UTP18: variants seen among roughly 807,000 people sequenced by gnomAD.
The protein encoded by UTP18 is UTP18 small subunit processome component, also known as U3 small nucleolar RNA-associated protein 18 homolog.
In UTP18, 36 loss-of-function variants were observed where a neutral mutation model predicts 61.1. That is an observed-to-expected ratio of 0.59 (90% CI 0.45 to 0.78). The LOEUF (loss-of-function observed/expected upper bound fraction) is 0.78, where lower values mean the gene tolerates loss of function less well. Among genes scored for constraint, UTP18 ranks in the 30% least tolerant of loss-of-function variants. UTP18 has a pLI of 0.00. For missense variants in UTP18, 753 were observed against 693.9 expected (o/e 1.09, Z -0.96); for synonymous variants, 282 against 251.1 (o/e 1.12, Z -1.16).
chr17:51,284,085 A>G (rs1349687479), intron 9 of UTP18, among the ~76,000 whole-genome samples: 1 of 152,216 alleles, frequency 6.6e-6, no homozygotes, highest in African/African-American at 2.4e-5. Flanking sequence ...TATAAGGCAA[A>G]GGTTTTAATA....
intron 9 of UTP18, among the ~76,000 whole-genome samples, chr17:51,281,730 A>C (rs1163975137): frequency 2.0e-5 from 3 of 152,192 alleles, no homozygotes; most frequent in Non-Finnish European, 4.4e-5. Context: ...TTGGGGGGGA[A>C]CTGGTAAAGT....
In UTP18 at chr17:51,268,879, T is replaced by C. The variant is rs980060676; in HGVS notation, c.597T>C (p.Thr199=). ...GAGGAGTACCTGCCTGGGCAGAGAC[T>C]ACTAAGCGGAAAACATCTTCAGATG... The part of the protein sequence containing the change: ...AMGGVPAWAE[T]TKRKTSSDDE... The change falls in exon 4 of 14, where the codon ACT becomes ACC. Residue 199 remains threonine (T), a synonymous_variant. Coordinates refer to ENST00000225298, the MANE Select transcript of UTP18 (RefSeq NM_016001.3). 2.5e-6 allele frequency: 4 copies of C among 1,613,996 alleles called. No individual in the cohort carries two copies. Among genetic ancestry groups the C allele is most frequent in the African/African-American group, 2.7e-5 (2 of 75,056 alleles).
intron 9 of UTP18, among the ~76,000 whole-genome samples, chr17:51,284,277 G>T (rs1905038912): frequency 6.6e-6 from 1 of 152,166 alleles, no homozygotes; most frequent in South Asian, 2.1e-4. Context: ...GAAGGATATT[G>T]AGGTACTAGA....
Position 51,281,164 on chromosome 17 carries a change from A to ATATATATAT in UTP18, c.1204+686_1204+687insATATATATT, listed in dbSNP as rs59857038. On this transcript the variant is annotated intron_variant, in intron 9 of 13. Coordinates refer to ENST00000225298, the MANE Select transcript of UTP18 (RefSeq NM_016001.3). ...AAAATATATATATATATATATATATATTTTTTTTAAACGAAAAGTTGTGTT... is the reference window on the plus strand; with the variant it reads ...AAAATATATATATATATATATATATATATATATATTTTTTTTTAAACGAAAAGTTGTGTT... 1.3e-3 allele frequency among the ~76,000 whole-genome samples: 178 copies of ATATATATAT among 140,414 alleles called. 1 individual carries two copies. The highest frequency in any genetic ancestry group is 2.4e-3 in the African/African-American group (89 of 37,364). 92.1% of individuals were successfully genotyped at this position (140,414 alleles called of 152,430 possible). A position where few individuals can be genotyped will look rare whatever the true frequency, so the allele number is the denominator to read the frequency against.
intron 5 of UTP18, 109 bp from the exon 6 acceptor site, chr17:51,275,757 A>C: frequency 9.5e-7 from 1 of 1,048,568 alleles, no homozygotes; most frequent in Non-Finnish European, 1.2e-6. Flanking sequence ...TTACCATTCC[A>C]GTGCATTTTT....
At position 51,277,135 on chromosome 17, in the gene UTP18, T is replaced by A. The variant is rs757971997; in HGVS notation, c.843T>A (p.Asp281Glu). ...CATTTTGTACTTCTTTATAGGTTGA[T>A]GGGAAAACAAATCCTAAAATTCAGA... Reference protein sequence around the residue: ...LDNAVSLFQVDGKTNPKIQSI... With the variant: ...LDNAVSLFQVEGKTNPKIQSI... The change falls in exon 7 of 14, where the codon GAT becomes GAA. Residue 281 changes from aspartate (D) to glutamate (E), a missense_variant. Coordinates refer to ENST00000225298, the MANE Select transcript of UTP18 (RefSeq NM_016001.3). 1 of 1,613,986 alleles carries A rather than the reference T, an allele frequency of 6.2e-7. No homozygotes were observed. Among genetic ancestry groups the A allele is most frequent in the Non-Finnish European group, 8.5e-7 (1 of 1,179,916 alleles).
At chr17:51,266,336 C>G in intron 3 of UTP18, 56 bp downstream of exon 3, 1 of 1,250,292 alleles carries the variant, frequency 8.0e-7, no homozygotes, top group African/African-American at 1.6e-5. Flanking sequence ...AATGCCCAGT[C>G]ATTAACCGTA....
intron 5 of UTP18, among the ~76,000 whole-genome samples, chr17:51,274,635 A>G (rs1210019777): frequency 6.6e-6 from 1 of 151,478 alleles, no homozygotes; most frequent in African/African-American, 2.4e-5. Context: ...TTTTTTTGGT[A>G]GAGACAGGGT....
chr17:51,261,530 C>T (rs1276925167), intron 1 of UTP18, among the ~76,000 whole-genome samples: 2 of 152,108 alleles, frequency 1.3e-5, no homozygotes, highest in African/African-American at 2.4e-5. Context: ...CCAGGCTTTT[C>T]TTGAGAGAGT....
chr17:51,288,278 G>GTTC (rs1905164415), intron 11 of UTP18, 75 bp downstream of exon 11: 3 of 1,355,580 alleles, frequency 2.2e-6, no homozygotes, highest in Non-Finnish European at 3.0e-6. Flanking sequence ...TAACAGGAAA[G>GTTC]GAGAGCGTTG....
At chr17:51,285,470 A>G in intron 10 of UTP18, 102 bp downstream of exon 10, 2 of 1,395,318 alleles carry the variant, frequency 1.4e-6, no homozygotes, top group Admixed American at 4.4e-5. Flanking sequence ...TCTCTTTATA[A>G]ACTATTCAGT....
chr17:51,296,357 G>A (rs1016242725), intron 12 of UTP18: 4 of 152,190 alleles, frequency 2.6e-5, no homozygotes, highest in African/African-American at 9.7e-5. Context: ...AGAAAAGGAG[G>A]AATGTAAATT....
At chr17:51,280,604 A>G (rs1904882519) in intron 9 of UTP18, 125 bp downstream of exon 9, 1 of 816,600 alleles carries the variant, frequency 1.2e-6, no homozygotes, top group Admixed American at 2.4e-5. Context: ...ACTTGAGGTC[A>G]GCGGGTAAGA....
intron 9 of UTP18, among the ~76,000 whole-genome samples, chr17:51,282,937 C>T (rs1281911001): frequency 6.3e-5 from 9 of 143,210 alleles, no homozygotes; most frequent in Non-Finnish European, 1.2e-4. Context: ...GGCACGATCT[C>T]GGCTCACTGT....
At chr17:51,287,363 G>A (rs561955089) in intron 10 of UTP18, among the ~76,000 whole-genome samples, 1 of 152,294 alleles carries the variant, frequency 6.6e-6, no homozygotes, top group Non-Finnish European at 1.5e-5. Context: ...GATGAGCCTT[G>A]AGGTCACTGC....
chr17:51,292,573 C>A (rs962283033), intron 11 of UTP18, among the ~76,000 whole-genome samples: 1 of 152,218 alleles, frequency 6.6e-6, no homozygotes, highest in South Asian at 2.1e-4. Context: ...GGTATAAAGT[C>A]TGACCTAGAA....
At chr17:51,267,370 A>C (rs1174384891) in intron 3 of UTP18, among the ~76,000 whole-genome samples, 1 of 151,960 alleles carries the variant, frequency 6.6e-6, no homozygotes, top group Non-Finnish European at 1.5e-5. Context: ...TAACAGTGTT[A>C]GGCATTTTAA....
In UTP18 at chr17:51,293,912, C is replaced by A. The variant is rs1383151017; in HGVS notation, c.1513C>A (p.Pro505Thr). Reference protein sequence around the residue: ...MKEAVRLVHLPSCTVFSNFPV... With the variant: ...MKEAVRLVHLTSCTVFSNFPV... Reference sequence around the variant, plus strand: ...TTATTATCTCCTGCAGGTTCATCTTCCTTCCTGTACAGTATTTTCAAACTT... The same window carrying A: ...TTATTATCTCCTGCAGGTTCATCTTACTTCCTGTACAGTATTTTCAAACTT... Residue 505 changes from proline to threonine, a missense_variant, in exon 12 of 14, where the codon CCT (proline) becomes ACT (threonine). Transcript: ENST00000225298. 2 of 1,577,620 alleles carry A rather than the reference C, an allele frequency of 1.3e-6. No homozygotes were observed. The highest frequency in any genetic ancestry group is 1.7e-6 in the Non-Finnish European group (2 of 1,165,722).
chr17:51,276,019 T>C, intron 6 of UTP18, 28 bp downstream of exon 6: 1 of 1,575,478 alleles, frequency 6.3e-7, no homozygotes, highest in South Asian at 1.2e-5. Flanking sequence ...CTTATTTATT[T>C]CTAATGCATT....
Sources: allele counts gnomAD v4.1 joint callset (sites outside exome capture counted in the v4.1 genomes callset), GRCh38; gene constraint gnomAD v4.1.1; transcripts MANE v1.5; gene names NCBI Gene and HGNC (gene_info 2026-07-23, HGNC 2026-07-21).